The following HMGCLL1 variants were observed in gnomAD, a reference collection of about 807,000 sequenced individuals.
The protein encoded by HMGCLL1 is 3-hydroxy-3-methylglutaryl-CoA lyase like 1.
HMGCLL1 carries 36 observed loss-of-function variants against 39.1 expected under a neutral mutation model. That is an observed-to-expected ratio of 0.92 (90% CI 0.71 to 1.22). The LOEUF (loss-of-function observed/expected upper bound fraction) is 1.22, where lower values mean the gene tolerates loss of function less well. Among genes scored for constraint, HMGCLL1 ranks in the 50% most tolerant of loss-of-function variants. The probability of loss-of-function intolerance (pLI) is 0.00; values close to 1 mark genes in which losing one functional copy is unlikely to be tolerated. For synonymous variants in HMGCLL1, 149 were observed against 144.0 expected (o/e 1.03, Z -0.25); for missense variants, 451 against 416.5 (o/e 1.08, Z -0.72).
chr6:55,593,838 T>C, the HMGCLL1 span, among the ~76,000 whole-genome samples: 123 of 152,272 alleles, frequency 8.1e-4, 2 homozygotes, highest in Middle Eastern at 0.017. Flanking sequence ...TTGGTATTTT[T>C]AATATCCCGA....
intron 7 of HMGCLL1, among the ~76,000 whole-genome samples, chr6:55,486,421 T>C (rs1561911348): frequency 6.6e-6 from 1 of 151,958 alleles, no homozygotes; most frequent in Non-Finnish European, 1.5e-5. Flanking sequence ...TAAAAATTAT[T>C]CCCACAATAT....
At chr6:55,576,740 G>A (rs1228837276) in intron 1 of HMGCLL1, among the ~76,000 whole-genome samples, 1 of 152,034 alleles carries the variant, frequency 6.6e-6, no homozygotes, top group East Asian at 1.9e-4. Flanking sequence ...TGGGTGTGAG[G>A]GAAATGAAAG....
rs1361875012 is a variant in HMGCLL1 at position 55,478,537 on chromosome 6, TA to T, written c.795+16881del. Among the ~76,000 whole-genome samples the T allele has an allele frequency of 4.6e-5, 7 of 151,476 alleles. No individual in the cohort carries two copies. In the East Asian group the frequency reaches 1.2e-3, roughly 25 times the overall value. On this transcript the variant is annotated intron_variant, in intron 7 of 8. Transcript: ENST00000274901. ...GAACAAATATATGTTTTAAAATAATTAAAAATGTATTACGAAAATATTGCAT... is the reference window on the plus strand; with the variant it reads ...GAACAAATATATGTTTTAAAATAATTAAAATGTATTACGAAAATATTGCAT...
intron 4 of HMGCLL1, among the ~76,000 whole-genome samples, chr6:55,515,534 G>C (rs1767693371): frequency 6.6e-6 from 1 of 152,072 alleles, no homozygotes; most frequent in Non-Finnish European, 1.5e-5. Context: ...TCCTTAGCAT[G>C]ATATCACACA....
At chr6:55,550,866 A>G (rs1770289634) in intron 1 of HMGCLL1, among the ~76,000 whole-genome samples, 1 of 151,746 alleles carries the variant, frequency 6.6e-6, no homozygotes, top group Non-Finnish European at 1.5e-5. Flanking sequence ...ACAATGCACA[A>G]GACAGGACTC....
the HMGCLL1 span, among the ~76,000 whole-genome samples, chr6:55,635,372 G>A: frequency 6.6e-6 from 1 of 151,910 alleles, no homozygotes; most frequent in Non-Finnish European, 1.5e-5. Flanking sequence ...ACTAGGGACT[G>A]TCAAAAATTA....
At chr6:55,453,787 AT>A (rs1238032634) in intron 7 of HMGCLL1, among the ~76,000 whole-genome samples, 2 of 152,242 alleles carry the variant, frequency 1.3e-5, no homozygotes, top group Non-Finnish European at 2.9e-5. Context: ...TTGTTAAGGA[AT>A]AAATTTGAGA....
At chr6:55,598,735 G>A in the HMGCLL1 span, among the ~76,000 whole-genome samples, 205 of 152,250 alleles carry the variant, frequency 1.3e-3, no homozygotes, top group South Asian at 4.4e-3. Flanking sequence ...TGGTTCAATC[G>A]CTGATTACAG....
chr6:55,498,703 A>G (rs1766713755), intron 6 of HMGCLL1, among the ~76,000 whole-genome samples: 1 of 152,164 alleles, frequency 6.6e-6, no homozygotes, highest in African/African-American at 2.4e-5. Context: ...AAACTTCAGT[A>G]ATCAGGGCCT....
chr6:55,465,086 A>C (rs1288068586), intron 7 of HMGCLL1, among the ~76,000 whole-genome samples: 1 of 152,178 alleles, frequency 6.6e-6, no homozygotes, highest in Non-Finnish European at 1.5e-5. Context: ...TTCTTTCAAA[A>C]ACATTTTGGA....
chr6:55,495,833 GC>G (rs1452586478), intron 6 of HMGCLL1, among the ~76,000 whole-genome samples: 2 of 151,890 alleles, frequency 1.3e-5, no homozygotes, highest in Non-Finnish European at 2.9e-5. Context: ...ATTCAAGTTT[GC>G]CTTAGAGTCA....
intron 7 of HMGCLL1, among the ~76,000 whole-genome samples, chr6:55,442,180 TC>T: frequency 6.6e-6 from 1 of 152,234 alleles, no homozygotes; most frequent in Middle Eastern, 3.4e-3. Context: ...CTATAAAGTC[TC>T]CCCACAGTCT....
At chr6:55,488,016 G>A (rs546378927) in intron 7 of HMGCLL1, among the ~76,000 whole-genome samples, 1 of 151,718 alleles carries the variant, frequency 6.6e-6, no homozygotes, top group Non-Finnish European at 1.5e-5. Context: ...CTTTGAATTA[G>A]GTATATGCAT....
intron 7 of HMGCLL1, among the ~76,000 whole-genome samples, chr6:55,467,557 C>A (rs1764846869): frequency 6.6e-6 from 1 of 152,010 alleles, no homozygotes; most frequent in African/African-American, 2.4e-5. Flanking sequence ...CCAAGACTCC[C>A]AGCATATACC....
At chr6:55,465,295 T>C (rs1423116268) in intron 7 of HMGCLL1, among the ~76,000 whole-genome samples, 1 of 152,068 alleles carries the variant, frequency 6.6e-6, no homozygotes, top group East Asian at 1.9e-4. Context: ...AATACGTATG[T>C]CCATTAATTA....
At chr6:55,523,225 T>C (rs1165466445) in intron 3 of HMGCLL1, among the ~76,000 whole-genome samples, 1 of 151,986 alleles carries the variant, frequency 6.6e-6, no homozygotes, top group East Asian at 1.9e-4. Flanking sequence ...AGAGAGATTT[T>C]ATGCTTTGTA....
chr6:55,653,883 C>G, the HMGCLL1 span, among the ~76,000 whole-genome samples: 3 of 150,586 alleles, frequency 2.0e-5, no homozygotes, highest in Non-Finnish European at 3.0e-5. Flanking sequence ...ATTAACCCTC[C>G]CATTCCCTGG....
chr6:55,506,778 C>T (rs183016318), intron 5 of HMGCLL1, among the ~76,000 whole-genome samples: 51 of 151,470 alleles, frequency 3.4e-4, no homozygotes, highest in Admixed American at 1.9e-3. Flanking sequence ...AACTTGGATA[C>T]ACCAAAAAGA....
chr6:55,524,970 T>TATTAATAGTAATTA (rs1478068150), intron 3 of HMGCLL1, among the ~76,000 whole-genome samples: 3 of 149,804 alleles, frequency 2.0e-5, no homozygotes, highest in Non-Finnish European at 4.5e-5. Context: ...TATTAATTAA[T>TATTAATAGTAATTA]AGTAATAGTA....
Sources: gnomAD v4.1 joint callset for allele counts (sites outside exome capture counted in the v4.1 genomes callset) on GRCh38, gnomAD v4.1.1 for gene constraint, MANE v1.5 for transcripts, NCBI Gene and HGNC (gene_info 2026-07-23, HGNC 2026-07-21) for gene names.